CRYBG1: variants seen among roughly 807,000 people sequenced by gnomAD.
CRYBG1 encodes the protein crystallin beta-gamma domain containing 1, also known as beta/gamma crystallin domain-containing protein 1.
A neutral mutation model predicts 189.2 loss-of-function variants in CRYBG1; 139 were observed. That is an observed-to-expected ratio of 0.73 (90% CI 0.64 to 0.85). The LOEUF (loss-of-function observed/expected upper bound fraction) is 0.85. Ranked by LOEUF, CRYBG1 falls within the 40% of genes least tolerant of loss-of-function variation. CRYBG1 has a pLI of 0.00. For missense variants in CRYBG1, 2,611 were observed against 2,675.8 expected, an observed-to-expected ratio of 0.98 and a Z score of 0.53; for synonymous variants, 1,023 against 1,017.1, an observed-to-expected ratio of 1.01 and a Z score of -0.11.
intron 1 of CRYBG1, among the ~76,000 whole-genome samples, chr6:106,427,527 T>G (rs1358502831): frequency 6.6e-6 from 1 of 152,184 alleles, no homozygotes; most frequent in East Asian, 1.9e-4. Flanking sequence ...CTTAGCTCAT[T>G]CCCAGCTGCT....
intron 1 of CRYBG1, among the ~76,000 whole-genome samples, chr6:106,410,214 T>C (rs1770901322): frequency 6.6e-6 from 1 of 152,150 alleles, no homozygotes; most frequent in Non-Finnish European, 1.5e-5. Context: ...GTGAAGGATA[T>C]GAACAGACAC....
intron 13 of CRYBG1, among the ~76,000 whole-genome samples, chr6:106,545,789 C>T (rs1250077714): frequency 6.6e-6 from 1 of 152,188 alleles, no homozygotes; most frequent in African/African-American, 2.4e-5. Context: ...AGCGATCCTC[C>T]TGCTTCAGCC....
intron 1 of CRYBG1, among the ~76,000 whole-genome samples, chr6:106,396,665 A>G (rs2114346739): frequency 6.6e-6 from 1 of 152,292 alleles, no homozygotes; most frequent in South Asian, 2.1e-4. Context: ...CAGAAAAACA[A>G]GACCTCAGGG....
intron 3 of CRYBG1, among the ~76,000 whole-genome samples, chr6:106,516,369 G>A (rs1773419898): frequency 6.6e-6 from 1 of 152,136 alleles, no homozygotes; most frequent in South Asian, 2.1e-4. Flanking sequence ...AAGTAGCTGG[G>A]ATTATAGGCC....
chr6:106,511,825 A>G lies in CRYBG1; in HGVS notation c.708A>G (p.Glu236=). 1 of 1,518,024 alleles carries G rather than the reference A, an allele frequency of 6.6e-7. No individual in the cohort carries two copies. The highest frequency in any genetic ancestry group is 1.7e-4 in the Middle Eastern group (1 of 5,894). 94.0% of individuals were successfully genotyped at this position (1,518,024 alleles called of 1,614,324 possible). A position where few individuals can be genotyped will look rare whatever the true frequency, so the allele number is the denominator to read the frequency against. ...ATGAAAATGATTCACCCCAATTAGAACCTCTGGAGGCAGAGGGAGAGCCTT... is the reference window on the plus strand; with the variant it reads ...ATGAAAATGATTCACCCCAATTAGAGCCTCTGGAGGCAGAGGGAGAGCCTT... ...QCHENDSPQL[E]PLEAEGEPFP... is the part of the protein sequence containing the mutation. Residue 236 remains glutamate (E), a synonymous_variant, in exon 3 of 22, where the codon GAA becomes GAG. Transcript: ENST00000633556.
chr6:106,568,779 A>G lies in CRYBG1; in HGVS notation c.*213A>G. On this transcript the variant is annotated 3_prime_UTR_variant, in exon 22 of 22. Transcript: ENST00000633556. ...TAAACCAATAATTTGTCCTCCTTTC[A>G]TTTCTTGCCTTTCATTTTTGGTAGC... The G allele has an allele frequency of 2.2e-6, 1 of 450,420 alleles. No individual in the cohort carries two copies. The highest frequency in any genetic ancestry group is 4.0e-6 in the Non-Finnish European group (1 of 252,054). The allele number at this position is 450,420 out of a possible 1,614,324, so 27.9% of individuals were successfully genotyped here. A position where few individuals can be genotyped will look rare whatever the true frequency, so the allele number is the denominator to read the frequency against.
chr6:106,549,541 C>A (rs1774350410), intron 13 of CRYBG1, among the ~76,000 whole-genome samples: 1 of 151,630 alleles, frequency 6.6e-6, no homozygotes, highest in Non-Finnish European at 1.5e-5. Flanking sequence ...GAGTTTGAGA[C>A]CAGCCTGGCC....
chr6:106,422,344 A>ATTTATTTTTTTTTTTTTTTTTTTTTTT (rs57640822), intron 1 of CRYBG1, among the ~76,000 whole-genome samples: 1 of 139,928 alleles, frequency 7.1e-6, no homozygotes, highest in African/African-American at 2.7e-5. Flanking sequence ...TTATTTATTT[A>ATTTATTTTTTTTTTTTTTTTTTTTTTT]TTTTTGAGAC....
chr6:106,387,723 T>C (rs767815422), intron 1 of CRYBG1, among the ~76,000 whole-genome samples: 3 of 152,178 alleles, frequency 2.0e-5, no homozygotes, highest in Non-Finnish European at 2.9e-5. Context: ...GGGGTGTCTC[T>C]AGCACTCTAT....
chr6:106,567,297 A>G (rs1313568422), intron 21 of CRYBG1, among the ~76,000 whole-genome samples: 1 of 152,126 alleles, frequency 6.6e-6, no homozygotes, highest in Non-Finnish European at 1.5e-5. Flanking sequence ...ACTGCTACAA[A>G]CTTACACATA....
At chr6:106,410,515 C>A (rs1770909397) in intron 1 of CRYBG1, among the ~76,000 whole-genome samples, 1 of 152,188 alleles carries the variant, frequency 6.6e-6, no homozygotes, top group African/African-American at 2.4e-5. Context: ...CCAGCAATCC[C>A]ATTACTGGGT....
In CRYBG1 at chr6:106,511,820, T is replaced by C; in HGVS notation, c.703T>C (p.Leu235=). 1.3e-6 allele frequency: 2 copies of C among 1,521,850 alleles called. No individual in the cohort carries two copies. Among genetic ancestry groups the C allele is most frequent in the Non-Finnish European group, 1.8e-6 (2 of 1,137,954 alleles). The allele number at this position is 1,521,850 out of a possible 1,614,324, so 94.3% of individuals were successfully genotyped here. Residue 235 remains leucine (L), a synonymous_variant, in exon 3 of 22, where the codon TTA becomes CTA. Transcript: ENST00000633556. ...QQCHENDSPQ[L]EPLEAEGEPF... is the part of the protein sequence containing the mutation. ...GTGCCATGAAAATGATTCACCCCAA[T>C]TAGAACCTCTGGAGGCAGAGGGAGA...
At chr6:106,508,771 A>C (rs961999542) in intron 2 of CRYBG1, among the ~76,000 whole-genome samples, 2 of 152,198 alleles carry the variant, frequency 1.3e-5, no homozygotes, top group African/African-American at 4.8e-5. Context: ...TGAATGAATG[A>C]AGCCACTATG....
At chr6:106,426,841 G>A (rs1363909348) in intron 1 of CRYBG1, among the ~76,000 whole-genome samples, 1 of 152,178 alleles carries the variant, frequency 6.6e-6, no homozygotes, top group Non-Finnish European at 1.5e-5. Context: ...TTGCCTAAAT[G>A]AATTCCTTCA....
chr6:106,477,107 C>G (rs1772348092), intron 2 of CRYBG1, among the ~76,000 whole-genome samples: 1 of 152,058 alleles, frequency 6.6e-6, no homozygotes, highest in South Asian at 2.1e-4. Flanking sequence ...TATGTGAACC[C>G]AACATTTCTT....
intron 3 of CRYBG1, among the ~76,000 whole-genome samples, chr6:106,516,529 C>G (rs915852818): frequency 3.3e-5 from 5 of 152,182 alleles, no homozygotes; most frequent in African/African-American, 1.2e-4. Context: ...CCACCACACC[C>G]AGCCAGGCTC....
intron 1 of CRYBG1, among the ~76,000 whole-genome samples, chr6:106,421,026 A>G (rs978294318): frequency 6.6e-6 from 1 of 152,108 alleles, no homozygotes; most frequent in Non-Finnish European, 1.5e-5. Flanking sequence ...GCTTCCTGCG[A>G]TTGTGGGGAG....
At chr6:106,412,721 A>G (rs962324632) in intron 1 of CRYBG1, among the ~76,000 whole-genome samples, 18 of 152,246 alleles carry the variant, frequency 1.2e-4, no homozygotes, top group African/African-American at 4.3e-4. Context: ...ATTAAAACAA[A>G]GAAAATAAGA....
chr6:106,484,651 G>C (rs753249453), intron 2 of CRYBG1, among the ~76,000 whole-genome samples: 6 of 152,010 alleles, frequency 3.9e-5, no homozygotes, highest in Non-Finnish European at 5.9e-5. Context: ...GGATTACTTT[G>C]GCTACTCAGG....
Sources: allele counts gnomAD v4.1 joint callset (sites outside exome capture counted in the v4.1 genomes callset), GRCh38; gene constraint gnomAD v4.1.1; transcripts MANE v1.5; gene names NCBI Gene and HGNC (gene_info 2026-07-23, HGNC 2026-07-21).